CTNNA3: variants seen among roughly 807,000 people sequenced by gnomAD.
The protein encoded by CTNNA3 is catenin alpha-3.
In CTNNA3, 76 loss-of-function variants were observed where a neutral mutation model predicts 95.7. The ratio of observed to expected loss-of-function variants is 0.79; its 90% CI spans 0.66 to 0.96. The LOEUF (loss-of-function observed/expected upper bound fraction) is 0.96. CTNNA3 is among the 40% of genes least tolerant of loss of function. The pLI, the probability that CTNNA3 is intolerant of heterozygous loss-of-function variation, is 0.00. For missense variants in CTNNA3, 1,191 were observed against 1,089.8 expected (o/e 1.09, Z -1.31); for synonymous variants, 431 against 374.4 (o/e 1.15, Z -1.74).
At chr10:67,192,789 T>A (rs114678534) in intron 6 of CTNNA3, among the ~76,000 whole-genome samples, 9 of 151,916 alleles carry the variant, frequency 5.9e-5, no homozygotes, top group Non-Finnish European at 1.2e-4. Flanking sequence ...AAAAGACATC[T>A]GCACTCCCAC....
chr10:66,116,215 C>A (rs2082335348), intron 13 of CTNNA3, among the ~76,000 whole-genome samples: 1 of 152,186 alleles, frequency 6.6e-6, no homozygotes, highest in Admixed American at 6.5e-5. Context: ...ATGGCAAATG[C>A]ATTGTGCTGT....
At chr10:66,299,163 T>C (rs2091825679) in intron 12 of CTNNA3, among the ~76,000 whole-genome samples, 1 of 152,182 alleles carries the variant, frequency 6.6e-6, no homozygotes, top group Admixed American at 6.5e-5. Flanking sequence ...CACATGCTGA[T>C]TGATGTCTCG....
intron 13 of CTNNA3, among the ~76,000 whole-genome samples, chr10:66,117,475 A>C (rs2082389942): frequency 1.3e-5 from 2 of 152,152 alleles, no homozygotes; most frequent in African/African-American, 4.8e-5. Flanking sequence ...TTAAAAAATG[A>C]ACTTGATTTT....
chr10:67,391,975 C>T (rs1423730956), intron 5 of CTNNA3, among the ~76,000 whole-genome samples: 3 of 151,282 alleles, frequency 2.0e-5, no homozygotes, highest in Non-Finnish European at 4.4e-5. Context: ...TAGGCATTAC[C>T]ATTCAGGACA....
intron 7 of CTNNA3, among the ~76,000 whole-genome samples, chr10:66,840,366 TC>T (rs1843019543): frequency 1.2e-5 from 1 of 83,206 alleles, no homozygotes; most frequent in African/African-American, 8.5e-5. Flanking sequence ...TCTCTCTCTC[TC>T]TCTCTCACAC....
chr10:67,642,611 G>A (rs530270103), intron 2 of CTNNA3, among the ~76,000 whole-genome samples: 3 of 152,152 alleles, frequency 2.0e-5, no homozygotes, highest in South Asian at 4.2e-4. Flanking sequence ...CCAGCTACCA[G>A]GAAGCTGATG....
chr10:66,944,568 T>C (rs1848184856), intron 7 of CTNNA3, among the ~76,000 whole-genome samples: 3 of 152,186 alleles, frequency 2.0e-5, no homozygotes, highest in Admixed American at 2.0e-4. Flanking sequence ...ATGGTGACTC[T>C]TACCTTAAAG....
At chr10:67,152,793 T>TC (rs78787924) in intron 7 of CTNNA3, among the ~76,000 whole-genome samples, 96,090 of 151,952 alleles carry the variant, frequency 0.63, 31,585 homozygotes, top group African/African-American at 0.82. Context: ...CAGTAAACCT[T>TC]TATATAGCTT....
At chr10:67,712,895 C>T (rs1215681764) in intron 1 of CTNNA3, among the ~76,000 whole-genome samples, 1 of 152,150 alleles carries the variant, frequency 6.6e-6, no homozygotes, top group African/African-American at 2.4e-5. Context: ...ATGACCAAAA[C>T]ACCAGAAGCC....
intron 7 of CTNNA3, chr10:66,925,803 A>C (rs1028014643): frequency 5.9e-6 from 2 of 336,922 alleles, no homozygotes; most frequent in Non-Finnish European, 1.2e-5. Flanking sequence ...GGACACAGAC[A>C]ATAAAGACGT....
intron 9 of CTNNA3, among the ~76,000 whole-genome samples, chr10:66,715,188 C>A (rs1848413291): frequency 6.6e-6 from 1 of 152,088 alleles, no homozygotes; most frequent in Admixed American, 6.6e-5. Flanking sequence ...CCAGGTCCAC[C>A]TACATAATTT....
chr10:67,446,993 T>G (rs556845714), intron 5 of CTNNA3, among the ~76,000 whole-genome samples: 1 of 152,256 alleles, frequency 6.6e-6, no homozygotes, highest in South Asian at 2.1e-4. Context: ...TAGTCCCAGC[T>G]ACTCGGGAGG....
chr10:67,683,994 A>G (rs1840679450), intron 1 of CTNNA3, among the ~76,000 whole-genome samples: 2 of 152,232 alleles, frequency 1.3e-5, no homozygotes, highest in Admixed American at 6.5e-5. Flanking sequence ...GAGCAACAGC[A>G]AAATTTATTG....
intron 15 of CTNNA3, among the ~76,000 whole-genome samples, chr10:66,015,362 T>C (rs2079074801): frequency 6.6e-6 from 1 of 152,104 alleles, no homozygotes; most frequent in Non-Finnish European, 1.5e-5. Flanking sequence ...CAGAATATTG[T>C]CCACATGACC....
At chr10:67,690,571 T>C (rs1840824810) in intron 1 of CTNNA3, among the ~76,000 whole-genome samples, 1 of 152,148 alleles carries the variant, frequency 6.6e-6, no homozygotes, top group African/African-American at 2.4e-5. Flanking sequence ...GAGCGCTGAT[T>C]GGTGCATTTT....
intron 1 of CTNNA3, among the ~76,000 whole-genome samples, chr10:67,707,363 C>A (rs1005167507): frequency 1.3e-5 from 2 of 152,154 alleles, no homozygotes; most frequent in African/African-American, 4.8e-5. Context: ...ACTCTCCCCT[C>A]TAATATACTG....
At chr10:67,236,278 T>C (rs1243046834) in intron 5 of CTNNA3, among the ~76,000 whole-genome samples, 3 of 147,784 alleles carry the variant, frequency 2.0e-5, no homozygotes, top group African/African-American at 7.5e-5. Flanking sequence ...CCAACAATGA[T>C]AGACTGGATT....
At chr10:66,391,771 C>T (rs1056425468) in intron 11 of CTNNA3, among the ~76,000 whole-genome samples, 2 of 151,962 alleles carry the variant, frequency 1.3e-5, no homozygotes, top group African/African-American at 2.4e-5. Context: ...ATCATTTTAG[C>T]GCCTCTCAAA....
chr10:66,546,938 C>G (rs1842052018), intron 10 of CTNNA3, among the ~76,000 whole-genome samples: 1 of 152,150 alleles, frequency 6.6e-6, no homozygotes, highest in Admixed American at 6.5e-5. Context: ...GTAGATTATA[C>G]TGCAATAACA....
Sources: gnomAD v4.1 joint callset for allele counts (sites outside exome capture counted in the v4.1 genomes callset) on GRCh38, gnomAD v4.1.1 for gene constraint, MANE v1.5 for transcripts, NCBI Gene and HGNC (gene_info 2026-07-23, HGNC 2026-07-21) for gene names.